Variants in NRTN observed in about 807,000 individuals in gnomAD.
The protein encoded by NRTN is neurturin.
Under a neutral mutation model 7.5 loss-of-function variants are expected in NRTN, and 3 were observed. The observed-to-expected ratio is 0.40, with a 90% CI of 0.18 to 1.03. The LOEUF is 1.03. NRTN is among the 50% of genes least tolerant of loss of function. The pLI, the probability that NRTN is intolerant of heterozygous loss-of-function variation, is 0.34. For synonymous variants in NRTN, 157 were observed against 146.6 expected, an observed-to-expected ratio of 1.07 and a Z score of -0.51; for missense variants, 310 against 307.0, an observed-to-expected ratio of 1.01 and a Z score of -0.07.
At chr19:5,817,076 C>T (rs1486746438) in intron 1 of NRTN, among the ~76,000 whole-genome samples, 2 of 152,094 alleles carry the variant, frequency 1.3e-5, no homozygotes, top group East Asian at 3.9e-4. Context: ...GTGGATCACA[C>T]CTGGAATCCC....
At chr19:5,809,909 A>G (rs2056984794) in intron 1 of NRTN, among the ~76,000 whole-genome samples, 1 of 152,112 alleles carries the variant, frequency 6.6e-6, no homozygotes, top group African/African-American at 2.4e-5. Context: ...CCGGGAGAGA[A>G]CAAGTTTGGA....
In NRTN at chr19:5,805,346, C is replaced by T. The variant is rs2056971974; in HGVS notation, c.-504C>T. 6.8e-6 allele frequency among the ~76,000 whole-genome samples: 1 copy of T among 146,266 alleles called. No individual in the cohort carries two copies. The highest frequency in any genetic ancestry group is 1.5e-5 in the Non-Finnish European group (1 of 65,858). ...GGCCGCCCCCTCCGGCCCGGGCCCCCCCCGGGCACCGCGGGCCCAGGCGGC... is the reference window on the plus strand; with the variant it reads ...GGCCGCCCCCTCCGGCCCGGGCCCCTCCCGGGCACCGCGGGCCCAGGCGGC... On this transcript the variant is annotated 5_prime_UTR_variant, in exon 1 of 3. Coordinates refer to ENST00000303212, the MANE Select transcript of NRTN (RefSeq NM_004558.5).
At position 5,823,775 on chromosome 19, in the gene NRTN, C is replaced by T. The variant is rs746978173; in HGVS notation, c.-391C>T. On this transcript the variant is annotated 5_prime_UTR_variant, in exon 2 of 3. Coordinates refer to ENST00000303212, the MANE Select transcript of NRTN (RefSeq NM_004558.5). ...TTCCCCCTGGCTCCTCAGCTGCAGC[C>T]GCTCCGGCCTCCTTGCTGTTCCTGG... The T allele has an allele frequency of 5.4e-5, 19 of 350,542 alleles. No individual in the cohort carries two copies. Among genetic ancestry groups the T allele is most frequent in the African/African-American group, 3.2e-4 (15 of 47,540 alleles). 21.7% of individuals were successfully genotyped at this position (350,542 alleles called of 1,614,324 possible). A position where few individuals can be genotyped will look rare whatever the true frequency, so the allele number is the denominator to read the frequency against.
At chr19:5,818,330 G>A (rs578196948) in intron 1 of NRTN, among the ~76,000 whole-genome samples, 1 of 152,074 alleles carries the variant, frequency 6.6e-6, no homozygotes, top group Non-Finnish European at 1.5e-5. Flanking sequence ...GAGTGTGATC[G>A]TGTGTGGGCA....
At chr19:5,822,344 C>T (rs575573544) in intron 1 of NRTN, among the ~76,000 whole-genome samples, 1 of 152,210 alleles carries the variant, frequency 6.6e-6, no homozygotes. Flanking sequence ...GCATCCAGCC[C>T]GGCTTTCAGT....
chr19:5,816,290 G>A (rs2057004960), intron 1 of NRTN, among the ~76,000 whole-genome samples: 1 of 152,046 alleles, frequency 6.6e-6, no homozygotes, highest in Admixed American at 6.6e-5. Flanking sequence ...CCTTTCCTTT[G>A]GCCCCTCCAA....
chr19:5,812,103 C>T (rs2056992355), intron 1 of NRTN, among the ~76,000 whole-genome samples: 1 of 150,918 alleles, frequency 6.6e-6, no homozygotes, highest in African/African-American at 2.4e-5. Flanking sequence ...GATCTCCTGA[C>T]CTCGTGATCC....
At chr19:5,819,260 C>T (rs1378101098) in intron 1 of NRTN, among the ~76,000 whole-genome samples, 3 of 152,130 alleles carry the variant, frequency 2.0e-5, no homozygotes, top group African/African-American at 7.2e-5. Context: ...GGCGCAGTGG[C>T]TCATGCCTGT....
intron 1 of NRTN, among the ~76,000 whole-genome samples, chr19:5,805,726 C>G (rs1470626628): frequency 6.6e-6 from 1 of 152,088 alleles, no homozygotes; most frequent in Admixed American, 6.5e-5. Context: ...ACTCCTGTCT[C>G]CTAAAACCTC....
At chr19:5,810,859 G>A (rs761534536) in intron 1 of NRTN, among the ~76,000 whole-genome samples, 4 of 151,830 alleles carry the variant, frequency 2.6e-5, no homozygotes, top group Non-Finnish European at 5.9e-5. Flanking sequence ...AACCCAGGAG[G>A]CAGAGGTTGC....
intron 1 of NRTN, among the ~76,000 whole-genome samples, chr19:5,809,352 G>A (rs375405309): frequency 1.3e-4 from 20 of 150,694 alleles, no homozygotes; most frequent in African/African-American, 4.4e-4. Flanking sequence ...AAAATTTTTT[G>A]TAGAGACGGG....
In NRTN at chr19:5,819,795, C is replaced by T. The variant is rs560302651; in HGVS notation, c.-398-3973C>T. 3.7e-4 allele frequency among the ~76,000 whole-genome samples: 55 copies of T among 150,282 alleles called. 1 individual carries two copies. The South Asian group carries it at 0.01, about 28-fold the overall frequency. Reference sequence around the variant, plus strand: ...CTGGGTAGGTTGAGGCTGCAGTGGGCGCTGTGATTGCACCACTGTACTCCA... The same window carrying T: ...CTGGGTAGGTTGAGGCTGCAGTGGGTGCTGTGATTGCACCACTGTACTCCA... On this transcript the variant is annotated intron_variant, in intron 1 of 2. Coordinates refer to ENST00000303212, the MANE Select transcript of NRTN (RefSeq NM_004558.5).
chr19:5,822,655 T>G (rs2144765550), intron 1 of NRTN, among the ~76,000 whole-genome samples: 1 of 152,210 alleles, frequency 6.6e-6, no homozygotes, highest in South Asian at 2.1e-4. Context: ...GTGAATAGGG[T>G]AGGCAGCCAT....
chr19:5,821,306 T>C (rs2057023846), intron 1 of NRTN, among the ~76,000 whole-genome samples: 1 of 139,302 alleles, frequency 7.2e-6, no homozygotes, highest in African/African-American at 2.7e-5. Context: ...TTTTTTTTTT[T>C]TTTTTTTTTT....
intron 1 of NRTN, among the ~76,000 whole-genome samples, chr19:5,818,276 G>A (rs1338286288): frequency 2.6e-5 from 4 of 152,142 alleles, no homozygotes; most frequent in Non-Finnish European, 5.9e-5. Context: ...ATGTGGGAGC[G>A]TTTGAGCACG....
intron 1 of NRTN, among the ~76,000 whole-genome samples, chr19:5,819,646 A>G (rs1170713303): frequency 3.3e-5 from 5 of 150,960 alleles, no homozygotes; most frequent in African/African-American, 1.2e-4. Context: ...CTGGGCAACA[A>G]GAGCAAAATT....
intron 1 of NRTN, among the ~76,000 whole-genome samples, chr19:5,817,643 A>G (rs1452075681): frequency 6.6e-6 from 1 of 151,596 alleles, no homozygotes; most frequent in Non-Finnish European, 1.5e-5. Flanking sequence ...GCAGGCAGGC[A>G]GGCAGGCAGG....
chr19:5,821,904 A>T (rs1006655426), intron 1 of NRTN, among the ~76,000 whole-genome samples: 1 of 152,118 alleles, frequency 6.6e-6, no homozygotes, highest in African/African-American at 2.4e-5. Flanking sequence ...CCCAGCCCAT[A>T]TGGTGTGTGC....
chr19:5,827,722 C>A (rs1326918217), intron 2 of NRTN, 27 bp from the exon 3 acceptor site: 4 of 1,156,316 alleles, frequency 3.5e-6, no homozygotes, highest in South Asian at 8.0e-5. Context: ...CACTGACCCC[C>A]CCTCCTTTCT....
Sources: allele counts gnomAD v4.1 joint callset (sites outside exome capture counted in the v4.1 genomes callset), GRCh38; gene constraint gnomAD v4.1.1; transcripts MANE v1.5; gene names NCBI Gene and HGNC (gene_info 2026-07-23, HGNC 2026-07-21).